Variants in SBNO2 observed in about 807,000 individuals in gnomAD.
The protein encoded by SBNO2 is protein strawberry notch homolog 2.
Under a neutral mutation model 146.3 loss-of-function variants are expected in SBNO2, and 89 were observed. The ratio of observed to expected loss-of-function variants is 0.61; its 90% CI spans 0.51 to 0.73. SBNO2 has a LOEUF of 0.73. SBNO2 is among the 30% of genes least tolerant of loss of function. SBNO2 has a pLI of 0.00. For missense variants in SBNO2, 2,092 were observed against 2,003.7 expected, an observed-to-expected ratio of 1.04 and a Z score of -0.84; for synonymous variants, 1,147 against 892.6, an observed-to-expected ratio of 1.29 and a Z score of -5.08.
rs146249724 is a variant in SBNO2, at chr19:1,155,932, C to T, written c.-126-1530G>A. Among the ~76,000 whole-genome samples, 9 of 152,328 alleles carry T rather than the reference C, an allele frequency of 5.9e-5. No homozygotes were observed. The East Asian group carries it at 1.7e-3, about 29-fold the overall frequency. ...GCTGCAGGTTCCATCTCACGGCAGC[C>T]ACAGCCCCAGAGCTACGCTGACCTT... On this transcript the variant is annotated intron_variant, in intron 1 of 31. Coordinates refer to ENST00000361757, the MANE Select transcript of SBNO2 (RefSeq NM_014963.3).
chr19:1,166,619 A>ACG (rs1206332216), intron 1 of SBNO2, among the ~76,000 whole-genome samples: 8 of 5,586 alleles, frequency 1.4e-3, no homozygotes, highest in African/African-American at 1.6e-3. Flanking sequence ...CTGCACGCGC[A>ACG]CACACACACA....
At chr19:1,133,378 G>A (rs557767232) in intron 4 of SBNO2, among the ~76,000 whole-genome samples, 53 of 152,260 alleles carry the variant, frequency 3.5e-4, no homozygotes, top group East Asian at 2.3e-3. Context: ...ACAGTTCTGG[G>A]CTTGTAAGAC....
chr19:1,126,399 G>A lies in SBNO2; in HGVS notation c.441+1205C>T, dbSNP rs1599844399. Among the ~76,000 whole-genome samples, 2 of 152,130 alleles carry A rather than the reference G, an allele frequency of 1.3e-5. No individual in the cohort carries two copies. Among genetic ancestry groups the A allele is most frequent in the South Asian group, 2.1e-4 (1 of 4,828 alleles). ...GCCCTCGTGCCGGCCACAGCAGGCC[G>A]GTCAGGCCCTGGCTTCTTTCCTCAC... On this transcript the variant is annotated intron_variant, in intron 5 of 31. Transcript: ENST00000361757. The surrounding 1 kb of genome is among the most constrained non-coding windows in gnomAD (Gnocchi z 4.4).
intron 4 of SBNO2, among the ~76,000 whole-genome samples, chr19:1,133,828 G>A (rs2080058958): frequency 6.6e-6 from 1 of 152,138 alleles, no homozygotes; most frequent in African/African-American, 2.4e-5. Flanking sequence ...CTCCACACCA[G>A]CTCCACGCAA....
chr19:1,108,435 C>A lies in SBNO2; in HGVS notation c.3886G>T (p.Ala1296Ser). The stretch of plus-strand genomic sequence containing the variant: ...GCGAGGGCCGCAGGGTCGGCCTGGG[C>A]GTCGGGGGTGCCCAGCGGCACGACG... ...PGVVPLGTPD[A>S]QADPAALAHQ... Residue 1296 changes from alanine to serine, a missense_variant, in exon 32 of 32, where the codon GCC becomes TCC. Physicochemically the swap from Ala to Ser is moderately conservative, Grantham distance 99. Coordinates refer to ENST00000361757, the MANE Select transcript of SBNO2 (RefSeq NM_014963.3). 2.4e-6 allele frequency: 3 copies of A among 1,251,580 alleles called. No individual in the cohort carries two copies. The highest frequency in any genetic ancestry group is 3.0e-6 in the Non-Finnish European group (3 of 992,942). 77.5% of individuals were successfully genotyped at this position (1,251,580 alleles called of 1,614,324 possible). A position where few individuals can be genotyped will look rare whatever the true frequency, so the allele number is the denominator to read the frequency against.
At position 1,112,967 on chromosome 19, in the gene SBNO2, A is replaced by G; in HGVS notation, c.2248-18T>C. On this transcript the variant is annotated intron_variant, in intron 19 of 31. Transcript: ENST00000361757. The surrounding 1 kb of genome is among the most constrained non-coding windows in gnomAD (Gnocchi z 5.9). The stretch of plus-strand genomic sequence containing the variant: ...CCGGTCATCTGCAGCCGAGACAGGG[A>G]CAAAACCGGCCGTCAGTGTTGTGGC... 1 of 1,549,416 alleles carries G rather than the reference A, an allele frequency of 6.5e-7. No individual in the cohort carries two copies. Among genetic ancestry groups the G allele is most frequent in the Non-Finnish European group, 8.7e-7 (1 of 1,147,454 alleles).
chr19:1,151,858 T>C (rs1411920091), intron 2 of SBNO2, among the ~76,000 whole-genome samples: 2 of 152,210 alleles, frequency 1.3e-5, no homozygotes, highest in African/African-American at 2.4e-5. Context: ...AGATGGGATT[T>C]CATCATGTTG....
rs771135517 is a variant in SBNO2 at position 1,109,454 on chromosome 19, G to A, written c.3217-31C>T. 1.3e-6 allele frequency: 2 copies of A among 1,565,258 alleles called. No homozygotes were observed. The highest frequency in any genetic ancestry group is 1.2e-5 in the South Asian group (1 of 85,522). On this transcript the variant is annotated intron_variant, in intron 28 of 31. Coordinates refer to ENST00000361757, the MANE Select transcript of SBNO2 (RefSeq NM_014963.3). This position sits in a 1 kb window ranked among gnomAD's most constrained non-coding sequence, Gnocchi z 4.2. ...GAGGGGGGCGTTGAGGCCGCGCCCC[G>A]GTCCGCCCCCCGCGGGCCCTCCTCT...
chr19:1,112,910 C>T lies in SBNO2; in HGVS notation c.2287G>A (p.Gly763Arg). Residue 763 changes from glycine (G) to arginine (R), a missense_variant, in exon 20 of 32, where the codon GGG becomes AGG. By Grantham distance (125) the Gly-to-Arg change is moderately radical (BLOSUM62 -2). Coordinates refer to ENST00000361757, the MANE Select transcript of SBNO2 (RefSeq NM_014963.3). This position sits in a 1 kb window ranked among gnomAD's most constrained non-coding sequence, Gnocchi z 5.9. ...RKGRVVSRPD[G>R]TVAFESRAEQ... ...GCCCGCGACTCGAAGGCCACCGTCCCGTCGGGCCTGGACACCACGCGGCCT... is the reference window on the plus strand; with the variant it reads ...GCCCGCGACTCGAAGGCCACCGTCCTGTCGGGCCTGGACACCACGCGGCCT... 6.4e-7 allele frequency: 1 copy of T among 1,568,910 alleles called. No individual in the cohort carries two copies. The highest frequency in any genetic ancestry group is 1.9e-5 in the Admixed American group (1 of 53,356).
chr19:1,109,013 G>A lies in SBNO2; in HGVS notation c.3426-44C>T, dbSNP rs1488940402. On this transcript the variant is annotated intron_variant, in intron 30 of 31. Coordinates refer to ENST00000361757, the MANE Select transcript of SBNO2 (RefSeq NM_014963.3). The surrounding 1 kb of genome is among the most constrained non-coding windows in gnomAD (Gnocchi z 4.2). ...GTCTCGGCTCAGGCGGGTCCCAGGGGCCCGCAGGCTCCCCAGGTGCCCTGA... is the reference window on the plus strand; with the variant it reads ...GTCTCGGCTCAGGCGGGTCCCAGGGACCCGCAGGCTCCCCAGGTGCCCTGA... The A allele has an allele frequency of 1.3e-6, 2 of 1,487,900 alleles. No individual in the cohort carries two copies. Among genetic ancestry groups the A allele is most frequent in the Non-Finnish European group, 1.8e-6 (2 of 1,121,646 alleles). The allele number at this position is 1,487,900 out of a possible 1,614,324, so 92.2% of individuals were successfully genotyped here. A position where few individuals can be genotyped will look rare whatever the true frequency, so the allele number is the denominator to read the frequency against.
At chr19:1,147,565 T>G (rs992558859) in intron 3 of SBNO2, 145 bp from the exon 4 acceptor site, 8 of 527,544 alleles carry the variant, frequency 1.5e-5, no homozygotes, top group Non-Finnish European at 2.3e-5. Flanking sequence ...ATGGCCCCGC[T>G]GCACATACAG....
intron 23 of SBNO2, 24 bp downstream of exon 23, chr19:1,111,972 C>G (rs767892560): frequency 5.6e-6 from 9 of 1,607,090 alleles, no homozygotes; most frequent in African/African-American, 5.4e-5. Context: ...GCCCCGCCCC[C>G]CAACCCTGCC....
Position 1,108,184 on chromosome 19 carries a change from C to CCCTGTGTCTTGGGGCATGTTTCG in SBNO2, c.*13_*35dup. ...CCGCTGCTCCTAGGGGAGAAACGGTCCCTGTGTCTTGGGGCATGTTTCGCC... is the reference window on the plus strand; with the variant it reads ...CCGCTGCTCCTAGGGGAGAAACGGTCCCTGTGTCTTGGGGCATGTTTCGCCTGTGTCTTGGGGCATGTTTCGCC... On this transcript the variant is annotated 3_prime_UTR_variant, in exon 32 of 32. Coordinates refer to ENST00000361757, the MANE Select transcript of SBNO2 (RefSeq NM_014963.3). 4.6e-6 allele frequency: 7 copies of CCCTGTGTCTTGGGGCATGTTTCG among 1,508,498 alleles called. No individual in the cohort carries two copies. Among genetic ancestry groups the CCCTGTGTCTTGGGGCATGTTTCG allele is most frequent in the Non-Finnish European group, 6.2e-6 (7 of 1,124,800 alleles). 93.4% of individuals were successfully genotyped at this position (1,508,498 alleles called of 1,614,324 possible).
intron 8 of SBNO2, 23 bp downstream of exon 8, chr19:1,122,871 C>T (rs2079920031): frequency 1.3e-6 from 2 of 1,540,416 alleles, no homozygotes; most frequent in Non-Finnish European, 1.7e-6. Flanking sequence ...ACAGGCTGGG[C>T]TGGGTTGGGG....
intron 1 of SBNO2, among the ~76,000 whole-genome samples, chr19:1,165,755 C>T (rs200046507): frequency 2.4e-5 from 1 of 41,908 alleles, no homozygotes; most frequent in African/African-American, 6.8e-5. Context: ...AGATCTCAGA[C>T]CCCAGACCCC....
At chr19:1,155,588 C>T (rs1428662759) in intron 1 of SBNO2, among the ~76,000 whole-genome samples, 2 of 152,210 alleles carry the variant, frequency 1.3e-5, no homozygotes, top group African/African-American at 4.8e-5. Flanking sequence ...TTGGCCAATC[C>T]TTGTCAAAGA....
At chr19:1,117,593 C>T in intron 14 of SBNO2, 94 bp from the exon 15 acceptor site, 2 of 1,315,862 alleles carry the variant, frequency 1.5e-6, no homozygotes, top group Non-Finnish European at 2.1e-6. Flanking sequence ...GGCAAGGCAT[C>T]CCCACGCCAG....
Position 1,173,579 on chromosome 19 carries a change from CA to C in SBNO2, c.-127+592del, listed in dbSNP as rs2080501795. The C allele has an allele frequency of 6.6e-6, 1 of 152,270 alleles. No individual in the cohort carries two copies. 9.4% of individuals were successfully genotyped at this position (152,270 alleles called of 1,614,324 possible). ...AAGGCAAGGGTCCTGGGACCGGGGA[CA>C]AGGAGGAGGAAGGGGCACGAACGCC... On this transcript the variant is annotated intron_variant, in intron 1 of 31. Coordinates refer to ENST00000361757, the MANE Select transcript of SBNO2 (RefSeq NM_014963.3). This position sits in a 1 kb window ranked among gnomAD's most constrained non-coding sequence, Gnocchi z 4.7.
At chr19:1,113,851 GC>G in intron 18 of SBNO2, 147 bp from the exon 19 acceptor site, 2 of 1,074,528 alleles carry the variant, frequency 1.9e-6, no homozygotes, top group Non-Finnish European at 2.5e-6. Flanking sequence ...CGGCACCGTG[GC>G]CCAGGACTGC....
Sources: gnomAD v4.1 joint callset for allele counts (sites outside exome capture counted in the v4.1 genomes callset) on GRCh38, gnomAD v4.1.1 for gene constraint, Gnocchi (gnomAD v3.1) non-coding constraint, MANE v1.5 for transcripts, NCBI Gene and HGNC (gene_info 2026-07-23, HGNC 2026-07-21) for gene names.